The following RPS6KA6 variants were observed in gnomAD, a reference collection of about 807,000 sequenced individuals.
RPS6KA6 encodes ribosomal protein S6 kinase alpha-6.
Under a neutral mutation model 65.4 loss-of-function variants are expected in RPS6KA6, and 27 were observed. That is an observed-to-expected ratio of 0.41 (90% CI 0.30 to 0.57). The LOEUF is 0.57. RPS6KA6 is among the 20% of genes least tolerant of loss of function. The pLI is 0.24. For synonymous variants in RPS6KA6, 190 were observed against 184.2 expected (o/e 1.03, Z -0.26); for missense variants, 486 against 555.6 (o/e 0.87, Z 1.26).
At position 84,065,018 on chromosome X, in the gene RPS6KA6, A is replaced by G. The variant is rs2033369530; in HGVS notation, c.2065T>C (p.Leu689=). 5.8e-6 allele frequency: 7 copies of G among 1,205,909 alleles called. No individual in the cohort carries two copies. The highest frequency in any genetic ancestry group is 6.7e-6 in the Non-Finnish European group (6 of 890,524). Residue 689 remains leucine (L), a synonymous_variant, in exon 21 of 22, where the codon TTG becomes CTG. Coordinates refer to ENST00000262752, the MANE Select transcript of RPS6KA6 (RefSeq NM_014496.5). ...TTTCTCTTTGGCTGATCATTTGGCAACTGGTCTCTGTGAGTTATCCATGAG... is the reference window on the plus strand; with the variant it reads ...TTTCTCTTTGGCTGATCATTTGGCAGCTGGTCTCTGTGAGTTATCCATGAG... ...KHSWITHRDQ[L]PNDQPKRNDV... is the part of the protein sequence containing the mutation.
chrX:84,091,041 C>A (rs776727546), intron 20 of RPS6KA6, among the ~76,000 whole-genome samples: 1 of 111,793 alleles, frequency 8.9e-6, no homozygotes, highest in East Asian at 2.8e-4. Flanking sequence ...TCCAACTCTG[C>A]CACTCATTAA....
chrX:84,106,388 T>C lies in RPS6KA6; in HGVS notation c.1342A>G (p.Thr448Ala). 8.3e-7 allele frequency: 1 copy of C among 1,201,500 alleles called. No individual in the cohort carries two copies. The highest frequency in any genetic ancestry group is 1.1e-6 in the Non-Finnish European group (1 of 888,760). Residue 448 changes from threonine (T) to alanine (A), a missense_variant, in exon 15 of 22, where the codon ACC becomes GCC. Coordinates refer to ENST00000262752, the MANE Select transcript of RPS6KA6 (RefSeq NM_014496.5). ...SVCKRCIHAT[T>A]NMEFAVKIID... ...ACCTTCACTGCAAATTCCATGTTGG[T>C]AGTTGCATGTATGCATCGCTTGCAA...
chrX:84,078,923 T>C (rs932912910), intron 20 of RPS6KA6, among the ~76,000 whole-genome samples: 1 of 111,457 alleles, frequency 9.0e-6, no homozygotes, highest in African/African-American at 3.3e-5. Flanking sequence ...CTATATACTA[T>C]ACATGCATTT....
At chrX:84,097,220 G>C (rs747664600) in intron 19 of RPS6KA6, among the ~76,000 whole-genome samples, 1 of 111,517 alleles carries the variant, frequency 9.0e-6, no homozygotes, top group Admixed American at 9.6e-5. Context: ...TCATTATTGA[G>C]AGTAAAATAG....
intron 1 of RPS6KA6, among the ~76,000 whole-genome samples, chrX:84,180,611 T>TTTTACATATA (rs2035837166): frequency 8.9e-6 from 1 of 111,800 alleles, no homozygotes; most frequent in Non-Finnish European, 1.9e-5. Context: ...AGCTTCTAGG[T>TTTTACATATA]CTTGTACTTT....
chrX:84,174,707 C>A (rs2035738010), intron 1 of RPS6KA6, among the ~76,000 whole-genome samples: 1 of 111,625 alleles, frequency 9.0e-6, no homozygotes, highest in Non-Finnish European at 1.9e-5. Context: ...TTTCCTTCCA[C>A]CTTACCCTAT....
intron 1 of RPS6KA6, among the ~76,000 whole-genome samples, chrX:84,166,567 A>T (rs1354261141): frequency 2.7e-5 from 3 of 111,847 alleles, no homozygotes; most frequent in African/African-American, 9.7e-5. Flanking sequence ...AAAATGATGA[A>T]AAATAAACAG....
At chrX:84,140,470 C>T (rs772197257) in intron 6 of RPS6KA6, among the ~76,000 whole-genome samples, 1 of 110,540 alleles carries the variant, frequency 9.0e-6, no homozygotes, top group Admixed American at 9.7e-5. Flanking sequence ...GGCACTGGGG[C>T]TCATGCCTGT....
intron 3 of RPS6KA6, among the ~76,000 whole-genome samples, chrX:84,152,493 A>G (rs191320126): frequency 2.8e-5 from 3 of 105,760 alleles, no homozygotes; most frequent in Admixed American, 1.0e-4. Flanking sequence ...TAAGGTGACA[A>G]TGTACTTATC....
chrX:84,107,607 G>A lies in RPS6KA6; in HGVS notation c.1111+16C>T, dbSNP rs746351622. 2.0e-6 allele frequency: 2 copies of A among 1,016,956 alleles called. No homozygotes were observed. Among genetic ancestry groups the A allele is most frequent in the East Asian group, 3.1e-5 (1 of 32,276 alleles). 83.8% of individuals were successfully genotyped at this position (1,016,956 alleles called of 1,213,427 possible). ...CTTAAATAAAATCTCTGATTTTACA[G>A]ATAAACATGCATTACCTTTAGGTGT... On this transcript the variant is annotated intron_variant, in intron 13 of 21. Coordinates refer to ENST00000262752, the MANE Select transcript of RPS6KA6 (RefSeq NM_014496.5).
chrX:84,144,816 C>T (rs1041108510), intron 6 of RPS6KA6, among the ~76,000 whole-genome samples: 1 of 110,601 alleles, frequency 9.0e-6, no homozygotes, highest in Non-Finnish European at 1.9e-5. Context: ...ATGATGTATC[C>T]ATACAATCAG....
intron 20 of RPS6KA6, among the ~76,000 whole-genome samples, chrX:84,076,076 C>T (rs1725377543): frequency 9.0e-6 from 1 of 110,766 alleles, no homozygotes; most frequent in Non-Finnish European, 1.9e-5. Flanking sequence ...TGACAATGGA[C>T]AAATTCTTTG....
intron 3 of RPS6KA6, among the ~76,000 whole-genome samples, chrX:84,152,912 G>GT (rs2035353237): frequency 1.8e-5 from 2 of 111,509 alleles, no homozygotes; most frequent in Non-Finnish European, 3.8e-5. Context: ...ACCTAAAAAC[G>GT]TATCTATATT....
intron 12 of RPS6KA6, among the ~76,000 whole-genome samples, chrX:84,112,905 A>G (rs1229317588): frequency 1.8e-5 from 2 of 112,097 alleles, no homozygotes; most frequent in Non-Finnish European, 3.8e-5. Flanking sequence ...CAAAGTTGAT[A>G]GACCTCTAGA....
intron 3 of RPS6KA6, among the ~76,000 whole-genome samples, chrX:84,152,512 A>G (rs1365047369): frequency 1.1e-5 from 1 of 88,052 alleles, no homozygotes. Flanking sequence ...TCTGTGATCT[A>G]TTTCTTTTTT....
chrX:84,125,442 ATGTT>A (rs755156011), intron 8 of RPS6KA6, among the ~76,000 whole-genome samples: 1 of 111,898 alleles, frequency 8.9e-6, no homozygotes, highest in Non-Finnish European at 1.9e-5. Context: ...GTTTTTTTGC[ATGTT>A]TGTTTGGACA....
At chrX:84,178,455 A>G (rs1225490468) in intron 1 of RPS6KA6, among the ~76,000 whole-genome samples, 1 of 112,111 alleles carries the variant, frequency 8.9e-6, no homozygotes, top group African/African-American at 3.2e-5. Context: ...AATATATCAC[A>G]GAAATTATTT....
At chrX:84,084,732 C>T (rs1484402171) in intron 20 of RPS6KA6, among the ~76,000 whole-genome samples, 1 of 112,159 alleles carries the variant, frequency 8.9e-6, no homozygotes, top group East Asian at 2.8e-4. Flanking sequence ...ATAGTTTCTT[C>T]TAATTCTGTG....
At chrX:84,159,039 CAT>C (rs2035465442) in intron 2 of RPS6KA6, among the ~76,000 whole-genome samples, 2 of 111,397 alleles carry the variant, frequency 1.8e-5, no homozygotes, top group Non-Finnish European at 3.8e-5. Flanking sequence ...AATACATACA[CAT>C]ATGTGCATAC....
Sources: gnomAD v4.1 joint callset for allele counts (sites outside exome capture counted in the v4.1 genomes callset) on GRCh38, gnomAD v4.1.1 for gene constraint, MANE v1.5 for transcripts, NCBI Gene and HGNC (gene_info 2026-07-23, HGNC 2026-07-21) for gene names.